Variants in ARHGEF7 observed in about 807,000 individuals in gnomAD.
ARHGEF7 encodes the protein Rho guanine nucleotide exchange factor 7.
A neutral mutation model predicts 109.8 loss-of-function variants in ARHGEF7; 33 were observed. That is an observed-to-expected ratio of 0.30 (90% CI 0.23 to 0.40). The LOEUF is 0.40. Among genes scored for constraint, ARHGEF7 ranks in the 10% least tolerant of loss-of-function variants. The pLI is 1.00. For missense variants in ARHGEF7, 938 were observed against 1,098.5 expected, an observed-to-expected ratio of 0.85 and a Z score of 2.07; for synonymous variants, 458 against 424.6, an observed-to-expected ratio of 1.08 and a Z score of -0.97.
At chr13:111,193,833 G>C (rs886797170) in intron 2 of ARHGEF7, among the ~76,000 whole-genome samples, 6 of 152,194 alleles carry the variant, frequency 3.9e-5, no homozygotes, top group Non-Finnish European at 8.8e-5. Flanking sequence ...CATAAGTCTG[G>C]ACTATAATTT....
In ARHGEF7 at chr13:111,301,413, A is replaced by G. The variant is rs1029245733; in HGVS notation, c.2412-65A>G. The G allele has an allele frequency of 9.4e-6, 13 of 1,386,550 alleles. No homozygotes were observed. The East Asian group carries it at 2.5e-4, about 27-fold the overall frequency. 85.9% of individuals were successfully genotyped at this position (1,386,550 alleles called of 1,614,324 possible). On this transcript the variant is annotated intron_variant, in intron 20 of 21. Transcript: ENST00000646102. ...CTCAGCATCGTAGTGTCTCCTGGTA[A>G]GTTTTCGTGTGTCCTCTCCATGCCT...
At chr13:111,183,150 G>A (rs1347275102) in intron 2 of ARHGEF7, among the ~76,000 whole-genome samples, 1 of 152,218 alleles carries the variant, frequency 6.6e-6, no homozygotes, top group Non-Finnish European at 1.5e-5. Flanking sequence ...AAATAGTCAA[G>A]AGTTAGAGGA....
intron 2 of ARHGEF7, among the ~76,000 whole-genome samples, chr13:111,174,441 G>T (rs1014353868): frequency 6.6e-6 from 1 of 152,182 alleles, no homozygotes; most frequent in African/African-American, 2.4e-5. Context: ...GCAAGGAAGA[G>T]GCCATCTTGC....
Position 111,209,903 on chromosome 13 carries a change from C to T in ARHGEF7, c.369C>T (p.Ala123=). ...GGCTGGGGAGTGACTCCGTGTGTGCCCGGCCCTCGTCTCACCGCATAAAGT... is the reference window on the plus strand; with the variant it reads ...GGCTGGGGAGTGACTCCGTGTGTGCTCGGCCCTCGTCTCACCGCATAAAGT... ...DIGLGSDSVC[A]RPSSHRIKSF... Residue 123 remains alanine, a synonymous_variant, in exon 4 of 22, where the codon GCC becomes GCT. Coordinates refer to ENST00000646102, the MANE Select transcript of ARHGEF7 (RefSeq NM_001354046.2). 1 of 1,614,140 alleles carries T rather than the reference C, an allele frequency of 6.2e-7. No homozygotes were observed. Among genetic ancestry groups the T allele is most frequent in the Non-Finnish European group, 8.5e-7 (1 of 1,180,026 alleles).
At chr13:111,175,028 C>G (rs2153420837) in intron 2 of ARHGEF7, among the ~76,000 whole-genome samples, 1 of 152,340 alleles carries the variant, frequency 6.6e-6, no homozygotes, top group East Asian at 1.9e-4. Flanking sequence ...TTTGACTCTT[C>G]CCTGTTTTAA....
intron 1 of ARHGEF7, among the ~76,000 whole-genome samples, chr13:111,153,356 C>G (rs1053677900): frequency 3.3e-5 from 5 of 152,132 alleles, no homozygotes; most frequent in African/African-American, 1.2e-4. Flanking sequence ...GCTGTGTCTG[C>G]GGGGCCAGGC....
chr13:111,267,369 C>A (rs1482768783), intron 8 of ARHGEF7, among the ~76,000 whole-genome samples, 179 bp from the exon 9 acceptor site: 1 of 152,026 alleles, frequency 6.6e-6, no homozygotes, highest in African/African-American at 2.4e-5. Flanking sequence ...TTTCTGGGCG[C>A]CCCTTCTCCT....
chr13:111,251,650 T>C (rs72653544), intron 8 of ARHGEF7, among the ~76,000 whole-genome samples: 3,639 of 152,340 alleles, frequency 0.024, 67 homozygotes, highest in African/African-American at 0.048. Context: ...TGGAGGTGTT[T>C]ATAAAAGTTA....
chr13:111,290,263 C>G (rs1370249382), intron 18 of ARHGEF7, among the ~76,000 whole-genome samples: 1 of 151,972 alleles, frequency 6.6e-6, no homozygotes, highest in Non-Finnish European at 1.5e-5. Context: ...TGAATTCAAC[C>G]AACTGCAGAT....
At chr13:111,132,438 GTC>G (rs1762189949) in intron 1 of ARHGEF7, among the ~76,000 whole-genome samples, 1 of 152,328 alleles carries the variant, frequency 6.6e-6, no homozygotes, top group South Asian at 2.1e-4. Flanking sequence ...TCTCTGCTGA[GTC>G]TCTGTTTTGC....
intron 2 of ARHGEF7, among the ~76,000 whole-genome samples, chr13:111,180,080 TCAG>T (rs1566729309): frequency 6.6e-6 from 1 of 152,212 alleles, no homozygotes; most frequent in Non-Finnish European, 1.5e-5. Context: ...TTATGGTGGT[TCAG>T]GTGGTTCTCA....
chr13:111,300,610 A>G, intron 19 of ARHGEF7, 138 bp from the exon 20 acceptor site: 2 of 569,136 alleles, frequency 3.5e-6, no homozygotes, highest in Non-Finnish European at 6.0e-6. Flanking sequence ...GCCCTCCTCT[A>G]GCTTGCCTGG....
At chr13:111,163,882 A>C (rs1179059425) in intron 2 of ARHGEF7, among the ~76,000 whole-genome samples, 1 of 152,190 alleles carries the variant, frequency 6.6e-6, no homozygotes, top group African/African-American at 2.4e-5. Context: ...TGTATCCATA[A>C]AATTATTTCA....
chr13:111,182,764 T>C (rs576889880), intron 2 of ARHGEF7: 28 of 152,364 alleles, frequency 1.8e-4, no homozygotes, highest in East Asian at 1.4e-3. Context: ...CATACAGATA[T>C]GGTTCGTCAT....
intron 2 of ARHGEF7, among the ~76,000 whole-genome samples, chr13:111,171,649 T>G (rs1435422407): frequency 6.6e-6 from 1 of 152,196 alleles, no homozygotes; most frequent in African/African-American, 2.4e-5. Context: ...TGGTGAATGC[T>G]TTTCTAATTG....
At position 111,131,479 on chromosome 13, in the gene ARHGEF7, A is replaced by G. The variant is rs1455280502; in HGVS notation, c.165+15788A>G. 6.6e-6 allele frequency among the ~76,000 whole-genome samples: 1 copy of G among 152,174 alleles called. No individual in the cohort carries two copies. Among genetic ancestry groups the G allele is most frequent in the Non-Finnish European group, 1.5e-5 (1 of 68,022 alleles). The stretch of plus-strand genomic sequence containing the variant: ...TTAGAGGCCCCCTGGACTGAAGCAT[A>G]CACGTGGGACTCGTAGTACAGAGAT... On this transcript the variant is annotated intron_variant, in intron 1 of 21. Transcript: ENST00000646102. The surrounding 1 kb of genome is among the most constrained non-coding windows in gnomAD (Gnocchi z 4.4).
intron 2 of ARHGEF7, among the ~76,000 whole-genome samples, chr13:111,165,682 A>T (rs2077072153): frequency 6.6e-6 from 1 of 152,196 alleles, no homozygotes; most frequent in African/African-American, 2.4e-5. Context: ...TAGAGGCAGA[A>T]GGAAGTGTCC....
Position 111,222,554 on chromosome 13 carries a change from C to T in ARHGEF7, c.670+4674C>T, listed in dbSNP as rs191451171. Among the ~76,000 whole-genome samples the T allele has an allele frequency of 5.7e-3, 870 of 152,256 alleles. 3 individuals carry two copies. The highest frequency in any genetic ancestry group is 0.01 in the Middle Eastern group (3 of 294). ...AAGCGATTCTCCTGCCCCAGCCTCC[C>T]GAGTAGCTGGGATTATAGGCACGTG... On this transcript the variant is annotated intron_variant, in intron 5 of 21. Coordinates refer to ENST00000646102, the MANE Select transcript of ARHGEF7 (RefSeq NM_001354046.2).
At chr13:111,290,826 C>CACAAAAAA (rs2093250842) in intron 18 of ARHGEF7, among the ~76,000 whole-genome samples, 1 of 152,190 alleles carries the variant, frequency 6.6e-6, no homozygotes, top group Admixed American at 6.5e-5. Context: ...ACACTCAAAA[C>CACAAAAAA]TAGGGAGTAA....
Sources: allele counts gnomAD v4.1 joint callset (sites outside exome capture counted in the v4.1 genomes callset), GRCh38; gene constraint gnomAD v4.1.1; non-coding constraint Gnocchi (gnomAD v3.1); transcripts MANE v1.5; gene names NCBI Gene and HGNC (gene_info 2026-07-23, HGNC 2026-07-21).